The following CNTNAP2 variants were observed in gnomAD, a reference collection of about 807,000 sequenced individuals.
CNTNAP2 encodes the protein contactin-associated protein-like 2.
CNTNAP2 carries 98 observed loss-of-function variants against 155.2 expected under a neutral mutation model. The observed-to-expected ratio is 0.63, with a 90% CI of 0.54 to 0.75. CNTNAP2 has a LOEUF of 0.75. Ranked by LOEUF, CNTNAP2 falls within the 30% of genes least tolerant of loss-of-function variation. The pLI, the probability that CNTNAP2 is intolerant of heterozygous loss-of-function variation, is 0.00. For missense variants in CNTNAP2, 1,727 were observed against 1,688.1 expected (o/e 1.02, Z -0.40); for synonymous variants, 651 against 631.2 (o/e 1.03, Z -0.47).
intron 13 of CNTNAP2, among the ~76,000 whole-genome samples, chr7:147,778,652 G>GA (rs537208703): frequency 6.6e-6 from 1 of 152,108 alleles, no homozygotes. Flanking sequence ...AGATGTTCCA[G>GA]AAAAAAATAA....
In CNTNAP2 at chr7:147,108,274, G is replaced by T. The variant is rs1426929550; in HGVS notation, c.678G>T (p.Leu226=). 2.5e-6 allele frequency: 4 copies of T among 1,613,640 alleles called. No homozygotes were observed. Among genetic ancestry groups the T allele is most frequent in the Non-Finnish European group, 3.4e-6 (4 of 1,179,794 alleles). Residue 226 remains leucine, a synonymous_variant, in exon 5 of 24, where the codon CTG becomes CTT. Coordinates refer to ENST00000361727, the MANE Select transcript of CNTNAP2 (RefSeq NM_014141.6). ...CGTCTGAAAGTGAAGGAGTAATCCT[G>T]CACGGAGAAGGACAGCAAGGAGATT... The part of the protein sequence containing the change: ...FKTSESEGVI[L]HGEGQQGDYI...
intron 1 of CNTNAP2, among the ~76,000 whole-genome samples, chr7:146,152,830 G>A (rs1186778238): frequency 2.0e-5 from 3 of 151,938 alleles, no homozygotes; most frequent in Non-Finnish European, 4.4e-5. Flanking sequence ...TCCTGTTGAG[G>A]ACCTTATAAC....
At chr7:146,802,350 A>G (rs1802893962) in intron 2 of CNTNAP2, among the ~76,000 whole-genome samples, 1 of 152,128 alleles carries the variant, frequency 6.6e-6, no homozygotes, top group Non-Finnish European at 1.5e-5. Flanking sequence ...CCCTGTCTTG[A>G]TTTCAGTCTT....
At chr7:148,235,741 A>T (rs1305093426) in intron 20 of CNTNAP2, among the ~76,000 whole-genome samples, 1 of 135,112 alleles carries the variant, frequency 7.4e-6, no homozygotes, top group African/African-American at 2.8e-5. Context: ...GCTGGAGTGC[A>T]GCGGCACGAT....
chr7:147,661,842 C>T (rs138243349), intron 13 of CNTNAP2, among the ~76,000 whole-genome samples: 1 of 152,126 alleles, frequency 6.6e-6, no homozygotes, highest in East Asian at 1.9e-4. Context: ...TGAGCCACGG[C>T]GCCTGGCCCA....
intron 1 of CNTNAP2, among the ~76,000 whole-genome samples, chr7:146,665,933 TA>T (rs1345902902): frequency 1.3e-5 from 2 of 151,984 alleles, no homozygotes; most frequent in Non-Finnish European, 2.9e-5. Flanking sequence ...TACTGTATAT[TA>T]ATCAGAATGG....
chr7:146,574,050 C>A (rs1265134565), intron 1 of CNTNAP2, among the ~76,000 whole-genome samples: 1 of 152,104 alleles, frequency 6.6e-6, no homozygotes, highest in Non-Finnish European at 1.5e-5. Context: ...CTGGAACATG[C>A]TAAGAGGAAG....
chr7:146,774,184 T>C, intron 1 of CNTNAP2, 87 bp from the exon 2 acceptor site: 1 of 904,338 alleles, frequency 1.1e-6, no homozygotes, highest in Non-Finnish European at 1.8e-6. Context: ...ACATATCAGA[T>C]TCAATGATTT....
At chr7:147,078,984 C>T (rs996553816) in intron 4 of CNTNAP2, among the ~76,000 whole-genome samples, 2 of 152,122 alleles carry the variant, frequency 1.3e-5, no homozygotes, top group Admixed American at 1.3e-4. Context: ...CTTCTGACCT[C>T]AGGTGATCTG....
chr7:148,398,505 T>C (rs1169825036), intron 22 of CNTNAP2, among the ~76,000 whole-genome samples: 1 of 152,230 alleles, frequency 6.6e-6, no homozygotes, highest in Non-Finnish European at 1.5e-5. Flanking sequence ...AGATCAATAA[T>C]ATTCAGCCAT....
chr7:146,811,706 A>G (rs940029609), intron 2 of CNTNAP2, among the ~76,000 whole-genome samples: 6 of 152,130 alleles, frequency 3.9e-5, no homozygotes, highest in South Asian at 2.1e-4. Context: ...CCCAAATCCT[A>G]TCTTAAATTG....
chr7:147,577,430 A>G (rs563441260), intron 12 of CNTNAP2, among the ~76,000 whole-genome samples: 1 of 152,194 alleles, frequency 6.6e-6, no homozygotes, highest in South Asian at 2.1e-4. Context: ...GAGAATAACA[A>G]CAAGATGAAC....
At chr7:146,904,556 G>T (rs142109218) in intron 3 of CNTNAP2, among the ~76,000 whole-genome samples, 1 of 152,026 alleles carries the variant, frequency 6.6e-6, no homozygotes, top group Non-Finnish European at 1.5e-5. Context: ...ACTGCAAGCT[G>T]CGCCTCCCAG....
At chr7:147,496,929 T>C (rs1437659195) in intron 11 of CNTNAP2, 1 of 152,198 alleles carries the variant, frequency 6.6e-6, no homozygotes, top group Non-Finnish European at 1.5e-5. Flanking sequence ...AATATAAAGA[T>C]TGTTGTAATC....
At chr7:147,500,697 C>G (rs908306730) in intron 11 of CNTNAP2, among the ~76,000 whole-genome samples, 1 of 152,154 alleles carries the variant, frequency 6.6e-6, no homozygotes, top group African/African-American at 2.4e-5. Flanking sequence ...AGACTCGGAA[C>G]ATACAAAGCC....
At chr7:148,292,192 T>C (rs1421400934) in intron 21 of CNTNAP2, among the ~76,000 whole-genome samples, 1 of 152,172 alleles carries the variant, frequency 6.6e-6, no homozygotes, top group Non-Finnish European at 1.5e-5. Flanking sequence ...ATAAGAGAGT[T>C]GAGAAGGAAG....
At chr7:147,085,406 T>C (rs185362591) in intron 4 of CNTNAP2, among the ~76,000 whole-genome samples, 9 of 152,046 alleles carry the variant, frequency 5.9e-5, no homozygotes, top group Middle Eastern at 3.4e-3. Flanking sequence ...TAGATTCTCA[T>C]AGGAGCACTA....
intron 13 of CNTNAP2, among the ~76,000 whole-genome samples, chr7:147,900,828 C>T (rs1244852623): frequency 6.6e-6 from 1 of 152,154 alleles, no homozygotes; most frequent in Non-Finnish European, 1.5e-5. Context: ...TAAAAGATTC[C>T]AGCAGCATTT....
chr7:147,854,975 A>G (rs534421625), intron 13 of CNTNAP2, among the ~76,000 whole-genome samples: 1 of 152,340 alleles, frequency 6.6e-6, no homozygotes, highest in East Asian at 1.9e-4. Context: ...CCCATTTATA[A>G]TTGTTTACAT....
Sources: allele counts gnomAD v4.1 joint callset (sites outside exome capture counted in the v4.1 genomes callset), GRCh38; gene constraint gnomAD v4.1.1; transcripts MANE v1.5; gene names NCBI Gene and HGNC (gene_info 2026-07-23, HGNC 2026-07-21).